Variants in UBR3 observed in about 807,000 individuals in gnomAD.
The protein encoded by UBR3 is E3 ubiquitin-protein ligase UBR3.
In UBR3, 85 loss-of-function variants were observed where a neutral mutation model predicts 243.2. That is an observed-to-expected ratio of 0.35 (90% CI 0.29 to 0.42). The LOEUF is 0.42. UBR3 is among the 10% of genes least tolerant of loss of function. UBR3 has a pLI of 1.00. For synonymous variants in UBR3, 748 were observed against 799.8 expected, an observed-to-expected ratio of 0.94 and a Z score of 1.09; for missense variants, 1,686 against 2,300.8, an observed-to-expected ratio of 0.73 and a Z score of 5.47.
chr2:169,919,328 A>C (rs186819562), intron 11 of UBR3, among the ~76,000 whole-genome samples: 1 of 152,344 alleles, frequency 6.6e-6, no homozygotes, highest in Admixed American at 6.5e-5. Flanking sequence ...TATAGAGGGT[A>C]ATAGGAGATA....
intron 1 of UBR3, among the ~76,000 whole-genome samples, chr2:169,867,087 A>G (rs904319799): frequency 1.3e-5 from 2 of 152,192 alleles, no homozygotes; most frequent in African/African-American, 2.4e-5. Flanking sequence ...TTTTTGGTTT[A>G]AATTTTTCCT....
intron 24 of UBR3, among the ~76,000 whole-genome samples, chr2:169,985,944 T>C (rs1007601551): frequency 2.0e-5 from 3 of 152,214 alleles, no homozygotes; most frequent in African/African-American, 7.2e-5. Flanking sequence ...TCCACCTATT[T>C]CTTTGTCACC....
At chr2:169,833,355 A>T (rs2081995634) in intron 1 of UBR3, among the ~76,000 whole-genome samples, 1 of 152,150 alleles carries the variant, frequency 6.6e-6, no homozygotes, top group African/African-American at 2.4e-5. Context: ...TATATTACAG[A>T]TATTTTTGTC....
intron 25 of UBR3, among the ~76,000 whole-genome samples, chr2:169,991,726 G>T (rs1219924613): frequency 2.6e-5 from 4 of 152,050 alleles, no homozygotes; most frequent in African/African-American, 9.7e-5. Context: ...GGGACCACAG[G>T]CGCCCGCCAC....
At position 169,850,851 on chromosome 2, in the gene UBR3, A is replaced by C. The variant is rs180670999; in HGVS notation, c.546-21385A>C. ...AGAGAGAGACTCAGTCTCAAAAAAA[A>C]AAAAAAGTTGAATTTTAAAGGGCTA... On this transcript the variant is annotated intron_variant, in intron 1 of 38. Transcript: ENST00000272793. Among the ~76,000 whole-genome samples, 747 of 152,282 alleles carry C rather than the reference A, an allele frequency of 4.9e-3. 5 individuals are homozygous for C. The highest frequency in any genetic ancestry group is 0.017 in the African/African-American group (712 of 41,558).
intron 1 of UBR3, among the ~76,000 whole-genome samples, chr2:169,851,866 T>C (rs894660601): frequency 1.3e-5 from 2 of 150,952 alleles, no homozygotes. Context: ...AACAGTTAAG[T>C]GACAGAGCTG....
chr2:170,073,478 G>A lies in UBR3; in HGVS notation c.5070G>A (p.Thr1690=), dbSNP rs767607197. ...CCAGCTGCCTGGGACTTCTGCCAAC[G>A]TTTTACCAAACAGAACATCCATTCA... ...VLASCLGLLP[T]FYQTEHPFIS... is the part of the protein sequence containing the mutation. The change falls in exon 36 of 39, where the codon ACG becomes ACA. Residue 1690 remains threonine (T), a synonymous_variant. Transcript: ENST00000272793. 1.1e-5 allele frequency: 17 copies of A among 1,613,588 alleles called. No individual in the cohort carries two copies. Among genetic ancestry groups the A allele is most frequent in the Middle Eastern group, 3.3e-4 (2 of 6,084 alleles).
chr2:169,836,412 C>G (rs1030352107), intron 1 of UBR3, among the ~76,000 whole-genome samples: 2 of 151,644 alleles, frequency 1.3e-5, no homozygotes, highest in Admixed American at 6.6e-5. Flanking sequence ...TCTTGTTTTT[C>G]TGCTTATTGA....
chr2:169,841,925 G>A (rs577495563), intron 1 of UBR3, among the ~76,000 whole-genome samples: 5 of 152,356 alleles, frequency 3.3e-5, no homozygotes, highest in East Asian at 1.9e-4. Flanking sequence ...GCGAGCGCAC[G>A]GCACAGGACT....
At chr2:169,889,081 C>G (rs953135405) in intron 5 of UBR3, among the ~76,000 whole-genome samples, 1 of 152,164 alleles carries the variant, frequency 6.6e-6, no homozygotes, top group African/African-American at 2.4e-5. Flanking sequence ...TATATTCTCA[C>G]CATTGGTATG....
intron 11 of UBR3, 129 bp from the exon 12 acceptor site, chr2:169,923,800 A>G (rs932270699): frequency 1.2e-6 from 1 of 853,426 alleles, no homozygotes. Flanking sequence ...TGCATCTTCT[A>G]AAATGTTAAG....
chr2:169,916,947 A>G (rs1273714739), intron 11 of UBR3, among the ~76,000 whole-genome samples: 1 of 151,222 alleles, frequency 6.6e-6, no homozygotes, highest in Non-Finnish European at 1.5e-5. Flanking sequence ...CTTCCCTCTC[A>G]GTTTCCTAAC....
chr2:170,079,387 A>G (rs1159685934), intron 36 of UBR3, among the ~76,000 whole-genome samples: 2 of 152,226 alleles, frequency 1.3e-5, no homozygotes, highest in Non-Finnish European at 2.9e-5. Flanking sequence ...TATAACCATG[A>G]TCTGTCCTAA....
At chr2:169,914,975 G>A (rs1222320279) in intron 11 of UBR3, among the ~76,000 whole-genome samples, 1 of 152,046 alleles carries the variant, frequency 6.6e-6, no homozygotes, top group African/African-American at 2.4e-5. Flanking sequence ...TGAGAGTTCA[G>A]TTGTTGACTT....
At chr2:170,072,105 A>G (rs532246263) in intron 35 of UBR3, among the ~76,000 whole-genome samples, 2 of 152,268 alleles carry the variant, frequency 1.3e-5, no homozygotes, top group African/African-American at 4.8e-5. Flanking sequence ...TCATGCTGCT[A>G]TAAAGACATA....
chr2:169,835,993 G>GTCCC (rs1194152380), intron 1 of UBR3, among the ~76,000 whole-genome samples: 4 of 30,738 alleles, frequency 1.3e-4, no homozygotes, highest in Non-Finnish European at 1.9e-4. Flanking sequence ...TGTGTGCACT[G>GTCCC]TCTCTCTCTC....
At chr2:169,922,340 C>T (rs530440565) in intron 11 of UBR3, among the ~76,000 whole-genome samples, 1 of 150,146 alleles carries the variant, frequency 6.7e-6, no homozygotes, top group African/African-American at 2.5e-5. Context: ...CTTAGTGCCT[C>T]AAAGGAAATT....
intron 24 of UBR3, among the ~76,000 whole-genome samples, chr2:169,980,542 T>A (rs2088674176): frequency 6.6e-6 from 1 of 152,124 alleles, no homozygotes; most frequent in Non-Finnish European, 1.5e-5. Flanking sequence ...TGTTTATTTG[T>A]TCGTTCATTT....
chr2:169,862,770 C>G (rs1553496926), intron 1 of UBR3, among the ~76,000 whole-genome samples: 1 of 151,994 alleles, frequency 6.6e-6, no homozygotes, highest in Non-Finnish European at 1.5e-5. Flanking sequence ...TCCTAAATAT[C>G]TTTTGATAAT....
Sources: gnomAD v4.1 joint callset for allele counts (sites outside exome capture counted in the v4.1 genomes callset) on GRCh38, gnomAD v4.1.1 for gene constraint, MANE v1.5 for transcripts, NCBI Gene and HGNC (gene_info 2026-07-23, HGNC 2026-07-21) for gene names.